Variants in CNTNAP2 observed in about 807,000 individuals in gnomAD.
CNTNAP2 encodes contactin associated protein 2.
CNTNAP2 carries 98 observed loss-of-function variants against 155.2 expected under a neutral mutation model. That is an observed-to-expected ratio of 0.63 (90% CI 0.54 to 0.75). CNTNAP2 has a LOEUF of 0.75. Ranked by LOEUF, CNTNAP2 falls within the 30% of genes least tolerant of loss-of-function variation. The pLI is 0.00. For synonymous variants in CNTNAP2, 651 were observed against 631.2 expected, an observed-to-expected ratio of 1.03 and a Z score of -0.47; for missense variants, 1,727 against 1,688.1, an observed-to-expected ratio of 1.02 and a Z score of -0.40.
At chr7:146,158,805 T>C (rs1210045865) in intron 1 of CNTNAP2, among the ~76,000 whole-genome samples, 1 of 152,210 alleles carries the variant, frequency 6.6e-6, no homozygotes, top group African/African-American at 2.4e-5. Flanking sequence ...TGGAACCAAG[T>C]TGGAAAACAC....
chr7:147,465,684 G>A (rs1056978445), intron 10 of CNTNAP2, among the ~76,000 whole-genome samples: 5 of 152,166 alleles, frequency 3.3e-5, no homozygotes, highest in Non-Finnish European at 5.9e-5. Flanking sequence ...GCTTGATGGG[G>A]TCAATTCCAG....
intron 1 of CNTNAP2, among the ~76,000 whole-genome samples, chr7:146,663,512 A>G (rs199837955): frequency 6.6e-6 from 1 of 151,994 alleles, no homozygotes; most frequent in East Asian, 1.9e-4. Context: ...CTTCCCAAAT[A>G]TCGGTCTATT....
intron 3 of CNTNAP2, among the ~76,000 whole-genome samples, chr7:147,010,708 T>C (rs1798607334): frequency 6.6e-6 from 1 of 152,164 alleles, no homozygotes; most frequent in African/African-American, 2.4e-5. Flanking sequence ...GAAAGCTTTT[T>C]CTTGTAGAAG....
At chr7:148,242,463 T>A (rs565903153) in intron 20 of CNTNAP2, among the ~76,000 whole-genome samples, 1 of 152,292 alleles carries the variant, frequency 6.6e-6, no homozygotes, top group South Asian at 2.1e-4. Flanking sequence ...TGCCCTCTAG[T>A]GGTCATTAGC....
At chr7:146,769,092 G>A (rs1585081618) in intron 1 of CNTNAP2, among the ~76,000 whole-genome samples, 1 of 152,138 alleles carries the variant, frequency 6.6e-6, no homozygotes, top group Non-Finnish European at 1.5e-5. Flanking sequence ...CTTCATGATT[G>A]ACTGAAATTG....
At chr7:146,238,847 G>A (rs1799516405) in intron 1 of CNTNAP2, among the ~76,000 whole-genome samples, 3 of 152,134 alleles carry the variant, frequency 2.0e-5, no homozygotes, top group Non-Finnish European at 1.5e-5. Context: ...AGTGAATGCA[G>A]GAGGAACTAC....
intron 1 of CNTNAP2, among the ~76,000 whole-genome samples, chr7:146,770,464 A>T (rs1802274931): frequency 6.6e-6 from 1 of 152,024 alleles, no homozygotes; most frequent in South Asian, 2.1e-4. Flanking sequence ...TGCATTTTTT[A>T]GCTTATAATA....
chr7:146,259,750 C>A (rs1272369383), intron 1 of CNTNAP2, among the ~76,000 whole-genome samples: 1 of 152,092 alleles, frequency 6.6e-6, no homozygotes, highest in Non-Finnish European at 1.5e-5. Flanking sequence ...TAAAGGAAAG[C>A]AGAGCATAAA....
At chr7:147,547,859 T>C (rs557217682) in intron 11 of CNTNAP2, among the ~76,000 whole-genome samples, 2 of 152,196 alleles carry the variant, frequency 1.3e-5, no homozygotes, top group East Asian at 1.9e-4. Context: ...ACATGCGGTG[T>C]TGGGTTTTCT....
chr7:146,278,069 A>C (rs1264742778), intron 1 of CNTNAP2, among the ~76,000 whole-genome samples: 1 of 152,226 alleles, frequency 6.6e-6, no homozygotes, highest in Non-Finnish European at 1.5e-5. Flanking sequence ...TCAGCAGATT[A>C]GCATGCCCTG....
At chr7:148,308,636 T>A (rs1797534066) in intron 21 of CNTNAP2, among the ~76,000 whole-genome samples, 2 of 152,094 alleles carry the variant, frequency 1.3e-5, no homozygotes, top group Non-Finnish European at 2.9e-5. Flanking sequence ...GCAGTTTTGT[T>A]ACATAGGTAT....
At chr7:146,236,251 AT>A (rs1366063821) in intron 1 of CNTNAP2, among the ~76,000 whole-genome samples, 1 of 152,234 alleles carries the variant, frequency 6.6e-6, no homozygotes, top group Non-Finnish European at 1.5e-5. Context: ...TATTAAAAAA[AT>A]AATTAAGATT....
chr7:148,116,492 A>G (rs566950417), intron 15 of CNTNAP2, among the ~76,000 whole-genome samples: 73 of 151,888 alleles, frequency 4.8e-4, no homozygotes, highest in Non-Finnish European at 9.7e-4. Context: ...CCCGCACCCC[A>G]GTAGACAACT....
intron 12 of CNTNAP2, among the ~76,000 whole-genome samples, chr7:147,595,023 G>A (rs182425451): frequency 2.6e-4 from 40 of 152,154 alleles, no homozygotes; most frequent in African/African-American, 8.9e-4. Flanking sequence ...GCAGAGAGAG[G>A]AACAAAGCAA....
intron 1 of CNTNAP2, among the ~76,000 whole-genome samples, chr7:146,366,093 G>T (rs1045150437): frequency 6.6e-6 from 1 of 151,942 alleles, no homozygotes; most frequent in African/African-American, 2.4e-5. Flanking sequence ...TGTATATATG[G>T]ATATAGATAG....
chr7:147,676,773 TTTGG>T (rs1314654633), intron 13 of CNTNAP2, among the ~76,000 whole-genome samples: 1 of 151,980 alleles, frequency 6.6e-6, no homozygotes, highest in Non-Finnish European at 1.5e-5. Context: ...TCTTTGTTCC[TTTGG>T]TTGGTTTGTT....
chr7:147,400,248 G>C (rs1796890268), intron 10 of CNTNAP2, among the ~76,000 whole-genome samples: 1 of 152,092 alleles, frequency 6.6e-6, no homozygotes, highest in Non-Finnish European at 1.5e-5. Context: ...TTGGGGAGAG[G>C]GGGTGCTTGG....
chr7:147,673,452 G>A (rs1208716820), intron 13 of CNTNAP2, among the ~76,000 whole-genome samples: 1 of 152,136 alleles, frequency 6.6e-6, no homozygotes, highest in East Asian at 1.9e-4. Context: ...TCCACGGAGA[G>A]GGAAGATCAG....
chr7:148,380,581 A>C (rs1455307545), intron 21 of CNTNAP2, among the ~76,000 whole-genome samples: 1 of 152,212 alleles, frequency 6.6e-6, no homozygotes, highest in Non-Finnish European at 1.5e-5. Context: ...AATATAAAAC[A>C]ATATAGTCTA....
Sources: allele counts gnomAD v4.1 joint callset (sites outside exome capture counted in the v4.1 genomes callset), GRCh38; gene constraint gnomAD v4.1.1; transcripts MANE v1.5; gene names NCBI Gene and HGNC (gene_info 2026-07-23, HGNC 2026-07-21).